Variants in EBF2 observed in about 807,000 individuals in gnomAD.
EBF2 encodes the protein transcription factor COE2.
In EBF2, 21 loss-of-function variants were observed where a neutral mutation model predicts 72.8. The observed-to-expected ratio is 0.29, with a 90% CI of 0.20 to 0.42. EBF2 has a LOEUF of 0.42. EBF2 is among the 10% of genes least tolerant of loss of function. The pLI is 1.00. For missense variants in EBF2, 637 were observed against 731.2 expected (o/e 0.87, Z 1.49); for synonymous variants, 299 against 274.2 (o/e 1.09, Z -0.89).
intron 10 of EBF2, among the ~76,000 whole-genome samples, chr8:25,877,598 A>T (rs1425591323): frequency 1.3e-5 from 2 of 152,138 alleles, no homozygotes; most frequent in African/African-American, 4.8e-5. Context: ...ACACCTAATA[A>T]TGGGCTTGGC....
chr8:25,889,765 G>T lies in EBF2; in HGVS notation c.738C>A (p.Leu246=), dbSNP rs200374787. Residue 246 remains leucine (L), a synonymous_variant, in exon 8 of 16, where the codon CTC becomes CTA. Coordinates refer to ENST00000520164, the MANE Select transcript of EBF2 (RefSeq NM_022659.4). ...NSKHGRRARR[L]DPSEATPCIK... ...AGGCAGCCCTACCTTCCGATGGATC[G>T]AGTCTTCTTGCTCTCCGTCCATGCT... 6.8e-6 allele frequency: 11 copies of T among 1,613,558 alleles called. No homozygotes were observed. Among genetic ancestry groups the T allele is most frequent in the Non-Finnish European group, 9.3e-6 (11 of 1,179,684 alleles).
intron 13 of EBF2, among the ~76,000 whole-genome samples, chr8:25,858,723 G>T (rs1487378967): frequency 1.5e-5 from 2 of 137,382 alleles, no homozygotes; most frequent in Non-Finnish European, 3.0e-5. Context: ...ACAGTGGCAC[G>T]ATCTTGGCTC....
chr8:25,887,550 T>C (rs1047940490), intron 9 of EBF2, among the ~76,000 whole-genome samples: 1 of 152,030 alleles, frequency 6.6e-6, no homozygotes, highest in Admixed American at 6.6e-5. Context: ...GTTGTCCTTG[T>C]TTTTTTTCTG....
At chr8:25,896,047 A>C (rs1802859604) in intron 7 of EBF2, among the ~76,000 whole-genome samples, 1 of 152,178 alleles carries the variant, frequency 6.6e-6, no homozygotes, top group African/African-American at 2.4e-5. Flanking sequence ...ACTCCCAGCT[A>C]GGCTTTTTCA....
intron 6 of EBF2, among the ~76,000 whole-genome samples, chr8:25,959,215 G>C (rs959420961): frequency 6.6e-6 from 1 of 152,098 alleles, no homozygotes; most frequent in Non-Finnish European, 1.5e-5. Context: ...CTTGCTTAAA[G>C]TTTTTTTGAG....
At chr8:25,855,821 C>T (rs746211251) in intron 14 of EBF2, among the ~76,000 whole-genome samples, 1 of 152,130 alleles carries the variant, frequency 6.6e-6, no homozygotes, top group African/African-American at 2.4e-5. Flanking sequence ...CTCGTTCAGA[C>T]CCTCCCTCCA....
intron 15 of EBF2, among the ~76,000 whole-genome samples, chr8:25,845,231 C>T (rs989185392): frequency 3.9e-5 from 6 of 152,100 alleles, no homozygotes; most frequent in African/African-American, 1.4e-4. Context: ...TTTAGTCCCT[C>T]AGTTCCCACT....
intron 14 of EBF2, among the ~76,000 whole-genome samples, chr8:25,851,250 A>G (rs1258318012): frequency 1.3e-5 from 2 of 152,166 alleles, no homozygotes; most frequent in Admixed American, 6.5e-5. Context: ...TAGGGTTAAC[A>G]TCTTCTCTGA....
chr8:25,966,546 C>A (rs1375114800), intron 6 of EBF2, among the ~76,000 whole-genome samples: 2 of 152,178 alleles, frequency 1.3e-5, no homozygotes, highest in African/African-American at 4.8e-5. Context: ...GCTGTTAACT[C>A]CAAAGGGGCT....
intron 10 of EBF2, among the ~76,000 whole-genome samples, chr8:25,869,648 TTAAG>T (rs1198689562): frequency 6.6e-6 from 1 of 152,200 alleles, no homozygotes; most frequent in Non-Finnish European, 1.5e-5. Context: ...AGCCGTATGT[TTAAG>T]TAGAATTATT....
intron 6 of EBF2, among the ~76,000 whole-genome samples, chr8:25,986,136 G>A (rs1563200364): frequency 6.6e-6 from 1 of 151,548 alleles, no homozygotes; most frequent in Admixed American, 6.6e-5. Context: ...ATTATATGCT[G>A]GGTATACACC....
At chr8:26,015,193 C>T (rs770092571) in intron 6 of EBF2, among the ~76,000 whole-genome samples, 4 of 151,916 alleles carry the variant, frequency 2.6e-5, no homozygotes, top group Admixed American at 6.6e-5. Flanking sequence ...ATGGGTAGGC[C>T]AAGAAAATAA....
intron 10 of EBF2, among the ~76,000 whole-genome samples, chr8:25,867,786 C>T (rs1802360043): frequency 6.6e-6 from 1 of 152,150 alleles, no homozygotes. Flanking sequence ...ACCCAAGATA[C>T]CCAAGCTCAT....
At chr8:26,001,184 T>C (rs1804717624) in intron 6 of EBF2, among the ~76,000 whole-genome samples, 2 of 152,156 alleles carry the variant, frequency 1.3e-5, no homozygotes, top group African/African-American at 4.8e-5. Flanking sequence ...AGAGCACCAT[T>C]CTGACAAGAC....
intron 7 of EBF2, 135 bp from the exon 8 acceptor site, chr8:25,890,004 C>T (rs1802752105): frequency 7.0e-6 from 5 of 715,120 alleles, no homozygotes; most frequent in Middle Eastern, 2.5e-4. Context: ...TGGGACTCAA[C>T]AGAGTTTTCT....
intron 7 of EBF2, among the ~76,000 whole-genome samples, chr8:25,894,835 A>G (rs1462186177): frequency 6.6e-6 from 1 of 152,214 alleles, no homozygotes; most frequent in South Asian, 2.1e-4. Flanking sequence ...GCTTTAAAAG[A>G]AGCAAATGTA....
At chr8:25,925,400 T>A (rs752781391) in intron 6 of EBF2, among the ~76,000 whole-genome samples, 8 of 149,146 alleles carry the variant, frequency 5.4e-5, no homozygotes, top group Non-Finnish European at 7.4e-5. Context: ...GAACCTGAGG[T>A]GCCTTACAGT....
At chr8:26,037,362 A>G (rs1273028931) in intron 5 of EBF2, among the ~76,000 whole-genome samples, 1 of 152,216 alleles carries the variant, frequency 6.6e-6, no homozygotes, top group African/African-American at 2.4e-5. Context: ...TTCCCCTCCA[A>G]AATAGTTTTT....
intron 6 of EBF2, among the ~76,000 whole-genome samples, chr8:26,002,908 GGGCAGGCGGGCAGGCGGGCA>G (rs1563204740): frequency 0.032 from 177 of 5,528 alleles, 3 homozygotes; most frequent in African/African-American, 0.074. Flanking sequence ...GCGGGCAGGC[GGGCAGGCGGGCAGGCGGGCA>G]GGCAGGCAGG....
Sources: allele counts gnomAD v4.1 joint callset (sites outside exome capture counted in the v4.1 genomes callset), GRCh38; gene constraint gnomAD v4.1.1; transcripts MANE v1.5; gene names NCBI Gene and HGNC (gene_info 2026-07-23, HGNC 2026-07-21).